Variants in ZNF532 observed in about 807,000 individuals in gnomAD.
ZNF532 encodes the protein zinc finger protein 532.
Under a neutral mutation model 89.3 loss-of-function variants are expected in ZNF532, and 22 were observed. The observed-to-expected ratio is 0.25, with a 90% CI of 0.18 to 0.35. ZNF532 has a LOEUF of 0.35. Among genes scored for constraint, ZNF532 ranks in the 10% least tolerant of loss-of-function variants. The pLI, the probability that ZNF532 is intolerant of heterozygous loss-of-function variation, is 1.00. For synonymous variants in ZNF532, 606 were observed against 649.6 expected, an observed-to-expected ratio of 0.93 and a Z score of 1.02; for missense variants, 1,132 against 1,643.4, an observed-to-expected ratio of 0.69 and a Z score of 5.38.
intron 4 of ZNF532, among the ~76,000 whole-genome samples, chr18:58,936,276 T>G (rs919956484): frequency 6.6e-6 from 1 of 152,254 alleles, no homozygotes; most frequent in African/African-American, 2.4e-5. Context: ...CCATGCAGAA[T>G]AATACTTTCG....
At chr18:58,964,272 C>T (rs982674248) in intron 7 of ZNF532, 17 of 152,136 alleles carry the variant, frequency 1.1e-4, no homozygotes, top group African/African-American at 4.1e-4. Context: ...TTTTAAAAAA[C>T]CAGTTTCTCC....
chr18:58,965,625 A>G (rs544192619), intron 7 of ZNF532, among the ~76,000 whole-genome samples: 127 of 152,336 alleles, frequency 8.3e-4, no homozygotes, highest in African/African-American at 3.0e-3. Context: ...TTATGCCATC[A>G]TTAACTGGAC....
Position 58,880,771 on chromosome 18 carries a change from C to CGTGTGTGTGTGTGTGTGTGTGT in ZNF532, c.-18+15194_-18+15195insGTGTGTGTGTGTGTGTGTGTGT, listed in dbSNP as rs1555704786. Among the ~76,000 whole-genome samples, 612 of 145,360 alleles carry CGTGTGTGTGTGTGTGTGTGTGT rather than the reference C, an allele frequency of 4.2e-3. 8 individuals are homozygous for CGTGTGTGTGTGTGTGTGTGTGT. Among genetic ancestry groups the CGTGTGTGTGTGTGTGTGTGTGT allele is most frequent in the Admixed American group, 6.2e-3 (90 of 14,598 alleles). ...TCATAGGCGCGCGCGCACGCGCGCG[C>CGTGTGTGTGTGTGTGTGTGTGT]GTCTGTGTGTGTGTGTGTATGTTTG... On this transcript the variant is annotated intron_variant, in intron 2 of 9. Transcript: ENST00000591808.
chr18:58,979,092 C>T lies in ZNF532; in HGVS notation c.3188C>T (p.Ser1063Phe). 6.2e-7 allele frequency: 1 copy of T among 1,613,192 alleles called. No homozygotes were observed. The highest frequency in any genetic ancestry group is 8.5e-7 in the Non-Finnish European group (1 of 1,179,202). The change falls in exon 8 of 10, where the codon TCT becomes TTT. Residue 1063 changes from serine to phenylalanine, a missense_variant. This residue lies in a region of ZNF532 where 415 missense variants were observed against 604.8 expected (regional missense o/e 0.69). Coordinates refer to ENST00000591808, the MANE Select transcript of ZNF532 (RefSeq NM_001375912.1). ...KKHPCRQCDK[S>F]FSSSHSLCRH... ...CACCCCTGCCGCCAGTGTGACAAGT[C>T]TTTCAGCTCGTCCCACAGCCTGTGC...
At chr18:58,888,713 A>AAATTATATATATATATTT (rs1555708864) in intron 2 of ZNF532, among the ~76,000 whole-genome samples, 1 of 17,702 alleles carries the variant, frequency 5.6e-5, no homozygotes, top group Non-Finnish European at 1.1e-4. Flanking sequence ...ATATATATAT[A>AAATTATATATATATATTT]TATATATATA....
chr18:58,925,437 T>G (rs866650178), intron 3 of ZNF532, among the ~76,000 whole-genome samples: 7 of 152,254 alleles, frequency 4.6e-5, no homozygotes, highest in African/African-American at 1.7e-4. Flanking sequence ...TCTCTTCATA[T>G]CTTTTGCCCA....
At chr18:58,888,545 G>T (rs1438987785) in intron 2 of ZNF532, among the ~76,000 whole-genome samples, 2 of 148,634 alleles carry the variant, frequency 1.3e-5, no homozygotes, top group African/African-American at 2.5e-5. Context: ...GTGTGGTGAC[G>T]CACGCCTGTA....
intron 2 of ZNF532, among the ~76,000 whole-genome samples, chr18:58,913,605 A>AATAT (rs145358654): frequency 8.6e-5 from 13 of 151,224 alleles, no homozygotes; most frequent in South Asian, 4.2e-4. Flanking sequence ...GAAAGGAAAA[A>AATAT]ATATATATAT....
chr18:58,939,233 C>A (rs1355191054), intron 4 of ZNF532, among the ~76,000 whole-genome samples: 2 of 88,778 alleles, frequency 2.3e-5, no homozygotes, highest in Admixed American at 1.8e-4. Flanking sequence ...GGCGACAGAG[C>A]GAGACGTTGT....
At chr18:58,878,678 A>G (rs887415560) in intron 2 of ZNF532, among the ~76,000 whole-genome samples, 1 of 152,248 alleles carries the variant, frequency 6.6e-6, no homozygotes, top group Non-Finnish European at 1.5e-5. Flanking sequence ...CTTGCCTGGC[A>G]AAGTTCATAC....
chr18:58,899,256 C>T (rs1405011632), intron 2 of ZNF532, among the ~76,000 whole-genome samples: 2 of 152,190 alleles, frequency 1.3e-5, no homozygotes, highest in Non-Finnish European at 2.9e-5. Flanking sequence ...ATAAAAAATA[C>T]AAGATGCTCA....
intron 7 of ZNF532, among the ~76,000 whole-genome samples, chr18:58,965,492 C>T (rs1244539300): frequency 2.6e-5 from 4 of 152,232 alleles, no homozygotes; most frequent in Non-Finnish European, 5.9e-5. Context: ...ATTTTAGTCT[C>T]CTTGAATCTT....
At chr18:58,948,380 G>A in intron 6 of ZNF532, 151 bp downstream of exon 6, 1 of 679,164 alleles carries the variant, frequency 1.5e-6, no homozygotes, top group South Asian at 2.2e-5. Context: ...CTTACATGCT[G>A]TCATCATGTG....
intron 3 of ZNF532, 67 bp downstream of exon 3, chr18:58,920,700 C>T (rs749142935): frequency 5.7e-6 from 8 of 1,392,806 alleles, no homozygotes; most frequent in Non-Finnish European, 6.8e-6. Context: ...TGATAAGATG[C>T]CCTTGATTTT....
In ZNF532 at chr18:58,918,565, T is replaced by G. The variant is rs1310382296; in HGVS notation, c.278T>G (p.Phe93Cys). Reference sequence around the variant, plus strand: ...ACTGGCAATGGCTTACATAATGGGTTTCTCACAGCATCCTCCCTTGACAGT... The same window carrying G: ...ACTGGCAATGGCTTACATAATGGGTGTCTCACAGCATCCTCCCTTGACAGT... ...NPTGNGLHNG[F>C]LTASSLDSYS... The change falls in exon 3 of 10, where the codon TTT (phenylalanine) becomes TGT (cysteine). Residue 93 changes from phenylalanine to cysteine, a missense_variant. This residue lies in a region of ZNF532 where 302 missense variants were observed against 319.8 expected (regional missense o/e 0.94). Transcript: ENST00000591808. The G allele has an allele frequency of 6.2e-7, 1 of 1,614,180 alleles. No individual in the cohort carries two copies. The highest frequency in any genetic ancestry group is 8.5e-7 in the Non-Finnish European group (1 of 1,180,026).
intron 7 of ZNF532, among the ~76,000 whole-genome samples, chr18:58,976,812 A>T (rs1296735676): frequency 1.3e-5 from 2 of 152,184 alleles, no homozygotes. Flanking sequence ...CACTGCGCCC[A>T]GCCTCAGTTG....
chr18:58,912,248 A>C lies in ZNF532; in HGVS notation c.-17-6023A>C, dbSNP rs139995674. Among the ~76,000 whole-genome samples the C allele has an allele frequency of 2.0e-3, 302 of 152,366 alleles. 1 individual carries two copies. The highest frequency in any genetic ancestry group is 3.1e-3 in the Non-Finnish European group (208 of 68,034). ...AGGAATATCAAGTGTTAGCTGAAGA[A>C]GAAAACATACTACCTTGAGCAAAGT... On this transcript the variant is annotated intron_variant, in intron 2 of 9. Transcript: ENST00000591808.
In ZNF532 at chr18:58,911,396, A is replaced by T. The variant is rs551203765; in HGVS notation, c.-17-6875A>T. 7.2e-5 allele frequency among the ~76,000 whole-genome samples: 11 copies of T among 152,116 alleles called. No individual in the cohort carries two copies. The East Asian group carries it at 2.1e-3, about 29-fold the overall frequency. ...GTTAACCTCAGAAAGAAAAGGGGGG[A>T]TGGAGTTTAGAAGAGGGAGAGATTA... On this transcript the variant is annotated intron_variant, in intron 2 of 9. Transcript: ENST00000591808.
chr18:58,883,185 T>C (rs1046665828), intron 2 of ZNF532, among the ~76,000 whole-genome samples: 4 of 152,358 alleles, frequency 2.6e-5, no homozygotes, highest in African/African-American at 9.6e-5. Context: ...TCTCTTTCTC[T>C]GTGTTTTTTT....
Sources: gnomAD v4.1 joint callset for allele counts (sites outside exome capture counted in the v4.1 genomes callset) on GRCh38, gnomAD v4.1.1 for gene constraint, gnomAD v4.1.1 regional missense constraint, MANE v1.5 for transcripts, NCBI Gene and HGNC (gene_info 2026-07-23, HGNC 2026-07-21) for gene names.